Variants in PLXDC2 observed in about 807,000 individuals in gnomAD.
The protein encoded by PLXDC2 is plexin domain-containing protein 2.
In PLXDC2, 40 loss-of-function variants were observed where a neutral mutation model predicts 68.9. The observed-to-expected ratio is 0.58, with a 90% confidence interval of 0.45 to 0.76. The LOEUF (loss-of-function observed/expected upper bound fraction) is 0.76, where lower values mean the gene tolerates loss of function less well. Among genes scored for constraint, PLXDC2 ranks in the 30% least tolerant of loss-of-function variants. PLXDC2 has a pLI of 0.00. For synonymous variants in PLXDC2, 243 were observed against 234.2 expected (o/e 1.04, Z -0.34); for missense variants, 644 against 661.9 (o/e 0.97, Z 0.30).
chr10:19,930,702 C>T (rs1486484914), intron 1 of PLXDC2, among the ~76,000 whole-genome samples: 1 of 152,060 alleles, frequency 6.6e-6, no homozygotes, highest in Non-Finnish European at 1.5e-5. Flanking sequence ...TGGCTCACAC[C>T]TGTAAATCCC....
intron 4 of PLXDC2, among the ~76,000 whole-genome samples, chr10:20,115,836 T>C (rs936971364): frequency 1.3e-5 from 2 of 152,220 alleles, no homozygotes; most frequent in African/African-American, 2.4e-5. Flanking sequence ...CAAGGTGCAC[T>C]GTCATGGTCA....
chr10:19,918,037 T>C (rs924590067), intron 1 of PLXDC2, among the ~76,000 whole-genome samples: 6 of 152,250 alleles, frequency 3.9e-5, no homozygotes, highest in African/African-American at 9.6e-5. Flanking sequence ...GTCCCATCAC[T>C]GCATTCAGCA....
In PLXDC2 at chr10:19,882,935, A is replaced by T. The variant is rs1224595342; in HGVS notation, c.112+65744A>T. Among the ~76,000 whole-genome samples, 52 of 112,024 alleles carry T rather than the reference A, an allele frequency of 4.6e-4. 1 individual carries two copies. The highest frequency in any genetic ancestry group is 3.1e-3 in the South Asian group (12 of 3,884). 73.5% of individuals were successfully genotyped at this position (112,024 alleles called of 152,430 possible). On this transcript the variant is annotated intron_variant, in intron 1 of 13. Coordinates refer to ENST00000377252, the MANE Select transcript of PLXDC2 (RefSeq NM_032812.9). ...TACCAAGGAAAATTTGGCAATTAAAATTTTTTTTTTTTTTTTCCTTTCTTT... is the reference window on the plus strand; with the variant it reads ...TACCAAGGAAAATTTGGCAATTAAATTTTTTTTTTTTTTTTTCCTTTCTTT...
At chr10:19,881,047 G>C (rs1354782075) in intron 1 of PLXDC2, among the ~76,000 whole-genome samples, 2 of 152,122 alleles carry the variant, frequency 1.3e-5, no homozygotes, top group African/African-American at 4.8e-5. Context: ...TGAACGAGTT[G>C]AGGGTTTTTT....
chr10:20,115,706 A>G (rs1419954456), intron 4 of PLXDC2, among the ~76,000 whole-genome samples: 1 of 152,226 alleles, frequency 6.6e-6, no homozygotes, highest in East Asian at 1.9e-4. Flanking sequence ...AAAATTTGTG[A>G]AAAGGTTAAA....
intron 1 of PLXDC2, among the ~76,000 whole-genome samples, chr10:19,987,687 C>T (rs1048452143): frequency 2.0e-5 from 3 of 151,684 alleles, no homozygotes; most frequent in African/African-American, 7.3e-5. Context: ...TCAGCCTCCC[C>T]GGTAGCTGGG....
chr10:20,030,865 G>T (rs1416566312), intron 2 of PLXDC2, among the ~76,000 whole-genome samples: 1 of 152,152 alleles, frequency 6.6e-6, no homozygotes, highest in Non-Finnish European at 1.5e-5. Context: ...TTTAGGCCCA[G>T]TTACCAACTT....
chr10:20,226,974 A>G (rs141718063), intron 12 of PLXDC2, among the ~76,000 whole-genome samples: 2 of 151,824 alleles, frequency 1.3e-5, no homozygotes, highest in East Asian at 1.9e-4. Flanking sequence ...TGTGTTACCC[A>G]ATATTTCCAA....
chr10:19,861,278 G>C (rs750465372), intron 1 of PLXDC2, among the ~76,000 whole-genome samples: 1 of 151,662 alleles, frequency 6.6e-6, no homozygotes, highest in African/African-American at 2.4e-5. Context: ...CAGGTGACCC[G>C]CCCACCTCTG....
At chr10:20,007,731 A>T (rs999434718) in intron 2 of PLXDC2, among the ~76,000 whole-genome samples, 3 of 152,208 alleles carry the variant, frequency 2.0e-5, no homozygotes, top group Admixed American at 6.5e-5. Context: ...CCGGTCTGAT[A>T]TTCTGTTTCT....
chr10:19,928,715 T>C (rs894200178), intron 1 of PLXDC2, among the ~76,000 whole-genome samples: 1 of 151,612 alleles, frequency 6.6e-6, no homozygotes, highest in Admixed American at 6.6e-5. Flanking sequence ...CTGTGCTAGA[T>C]TGAGAGTCTT....
chr10:20,223,640 G>A (rs1588527538), intron 12 of PLXDC2, among the ~76,000 whole-genome samples: 1 of 152,064 alleles, frequency 6.6e-6, no homozygotes, highest in East Asian at 1.9e-4. Context: ...ACCTTCCCAT[G>A]GGAAATGCCA....
intron 4 of PLXDC2, among the ~76,000 whole-genome samples, chr10:20,104,172 T>C (rs1461819506): frequency 2.0e-5 from 3 of 152,194 alleles, no homozygotes; most frequent in Non-Finnish European, 4.4e-5. Flanking sequence ...GTCACATTTA[T>C]CTTGAAAGAA....
Position 20,288,344 on chromosome 10 carries a change from C to A in PLXDC2, c.*8525C>A, listed in dbSNP as rs1009635769. On this transcript the variant is annotated 3_prime_UTR_variant, in exon 14 of 14. Transcript: ENST00000377252. ...GAATTTATTCCAGTCCTCTGGGCAT[C>A]ATTCCTATTTCTTCTGCCATGTCAA... 3 of 151,898 alleles carry A rather than the reference C, an allele frequency of 2.0e-5. No individual in the cohort carries two copies. Among genetic ancestry groups the A allele is most frequent in the Admixed American group, 2.0e-4 (3 of 15,220 alleles). The allele number at this position is 151,898 out of a possible 1,614,324, so 9.4% of individuals were successfully genotyped here. A position where few individuals can be genotyped will look rare whatever the true frequency, so the allele number is the denominator to read the frequency against.
In PLXDC2 at chr10:19,817,027, C is replaced by T. The variant is rs1836357045; in HGVS notation, c.-53C>T. 11 of 1,413,224 alleles carry T rather than the reference C, an allele frequency of 7.8e-6. No individual in the cohort carries two copies. The South Asian group carries it at 8.7e-5, about 11-fold the overall frequency. The allele number at this position is 1,413,224 out of a possible 1,614,324, so 87.5% of individuals were successfully genotyped here. A position where few individuals can be genotyped will look rare whatever the true frequency, so the allele number is the denominator to read the frequency against. On this transcript the variant is annotated 5_prime_UTR_variant, in exon 1 of 14. Coordinates refer to ENST00000377252, the MANE Select transcript of PLXDC2 (RefSeq NM_032812.9). The stretch of plus-strand genomic sequence containing the variant: ...GGTCGTGCCTATTGCATCGGGAGCC[C>T]CCGAGCACCGGCGAAGGACTGGCGG...
chr10:20,161,952 A>G (rs181592210), intron 6 of PLXDC2, among the ~76,000 whole-genome samples: 11 of 151,362 alleles, frequency 7.3e-5, no homozygotes, highest in Admixed American at 6.6e-4. Flanking sequence ...AATTGCTTGA[A>G]CCCGGGAGGT....
intron 6 of PLXDC2, among the ~76,000 whole-genome samples, chr10:20,148,402 T>G (rs549223437): frequency 6.6e-6 from 1 of 152,268 alleles, no homozygotes; most frequent in East Asian, 1.9e-4. Context: ...TTGGCTAATG[T>G]TTGTTGAAAC....
intron 2 of PLXDC2, among the ~76,000 whole-genome samples, chr10:20,044,116 C>A: frequency 7.3e-6 from 1 of 137,194 alleles, no homozygotes; most frequent in Middle Eastern, 3.3e-3. Flanking sequence ...TCCTTCCTTC[C>A]TTCCTTCCTC....
chr10:20,280,052 T>C lies in PLXDC2; in HGVS notation c.*233T>C, dbSNP rs1836061769. The C allele has an allele frequency of 2.2e-6, 1 of 461,162 alleles. No homozygotes were observed. The highest frequency in any genetic ancestry group is 2.0e-5 in the African/African-American group (1 of 50,602). 28.6% of individuals were successfully genotyped at this position (461,162 alleles called of 1,614,324 possible). On this transcript the variant is annotated 3_prime_UTR_variant, in exon 14 of 14. Coordinates refer to ENST00000377252, the MANE Select transcript of PLXDC2 (RefSeq NM_032812.9). ...GAACATAGAATTCCCTAGTGGAATGTCATCTATAGTTCACTCGGAACATCT... is the reference window on the plus strand; with the variant it reads ...GAACATAGAATTCCCTAGTGGAATGCCATCTATAGTTCACTCGGAACATCT...
Sources: allele counts gnomAD v4.1 joint callset (sites outside exome capture counted in the v4.1 genomes callset), GRCh38; gene constraint gnomAD v4.1.1; transcripts MANE v1.5; gene names NCBI Gene and HGNC (gene_info 2026-07-23, HGNC 2026-07-21).